The following HDLBP variants were observed in gnomAD, a reference collection of about 807,000 sequenced individuals.
HDLBP encodes high density lipoprotein binding protein.
HDLBP carries 30 observed loss-of-function variants against 137.3 expected under a neutral mutation model. That is an observed-to-expected ratio of 0.22 (90% CI 0.16 to 0.30). The LOEUF is 0.30. Ranked by LOEUF, HDLBP falls within the 10% of genes least tolerant of loss-of-function variation. The pLI is 1.00. For missense variants in HDLBP, 1,119 were observed against 1,667.3 expected, an observed-to-expected ratio of 0.67 and a Z score of 5.73; for synonymous variants, 606 against 596.0, an observed-to-expected ratio of 1.02 and a Z score of -0.24.
intron 1 of HDLBP, among the ~76,000 whole-genome samples, chr2:241,292,842 AGT>A (rs903993288): frequency 2.0e-5 from 3 of 152,176 alleles, no homozygotes; most frequent in African/African-American, 7.2e-5. Context: ...TGGGCAATAT[AGT>A]GAGACTGCCT....
chr2:241,287,885 T>A (rs1029581078), intron 1 of HDLBP, among the ~76,000 whole-genome samples: 2 of 152,132 alleles, frequency 1.3e-5, no homozygotes, highest in Non-Finnish European at 2.9e-5. Context: ...AACAGCTGGG[T>A]AAAAGATGGA....
At chr2:241,265,783 T>C (rs2073618838) in intron 3 of HDLBP, among the ~76,000 whole-genome samples, 1 of 152,164 alleles carries the variant, frequency 6.6e-6, no homozygotes, top group South Asian at 2.1e-4. Context: ...CCGACAGCGC[T>C]GACAGGACAG....
rs368614346 is a variant in HDLBP, at chr2:241,235,210, C to T, written c.3055G>A (p.Ala1019Thr). ...AAATTTGCAGCGAGGCCCGTGATGG[C>T]GATGATGTCAGACTGCAGCTCAGGT... is the stretch of plus-strand genomic sequence containing the variant. ...PAPELQSDII[A>T]ITGLAANLDR... is the part of the protein sequence containing the mutation. Residue 1019 changes from alanine (A) to threonine (T), a missense_variant, in exon 23 of 28, where the codon GCC becomes ACC. Ala to Thr is a moderately conservative substitution (Grantham distance 58, BLOSUM62 0). Transcript: ENST00000310931. 31 of 1,614,032 alleles carry T rather than the reference C, an allele frequency of 1.9e-5. No individual in the cohort carries two copies. Among genetic ancestry groups the T allele is most frequent in the Admixed American group, 5.0e-5 (3 of 60,010 alleles).
Position 241,230,128 on chromosome 2 carries a change from G to T in HDLBP, c.3591+25C>A. On this transcript the variant is annotated intron_variant, in intron 26 of 27. Coordinates refer to ENST00000310931, the MANE Select transcript of HDLBP (RefSeq NM_005336.6). This position sits in a 1 kb window ranked among gnomAD's most constrained non-coding sequence, Gnocchi z 5.0. The stretch of plus-strand genomic sequence containing the variant: ...CGGTGGACGTGCCAGGGCGCCTCAG[G>T]GCTCCAAGGCCCACAGAGACTCACG... 6.3e-7 allele frequency: 1 copy of T among 1,598,430 alleles called. No individual in the cohort carries two copies. The highest frequency in any genetic ancestry group is 8.6e-7 in the Non-Finnish European group (1 of 1,166,012).
chr2:241,233,341 G>C lies in HDLBP; in HGVS notation c.3288+479C>G, dbSNP rs2070013639. Among the ~76,000 whole-genome samples, 2 of 152,168 alleles carry C rather than the reference G, an allele frequency of 1.3e-5. No homozygotes were observed. Among genetic ancestry groups the C allele is most frequent in the South Asian group, 2.1e-4 (1 of 4,822 alleles). ...AGGAGGCCATGAGGGCCAGTGGCAG[G>C]GGGGTGGCACTGCAATTTGGAGGAA... On this transcript the variant is annotated intron_variant, in intron 24 of 27. Coordinates refer to ENST00000310931, the MANE Select transcript of HDLBP (RefSeq NM_005336.6). The surrounding 1 kb of genome is among the most constrained non-coding windows in gnomAD (Gnocchi z 4.3).
intron 1 of HDLBP, chr2:241,271,123 C>T (rs1574987395): frequency 2.0e-6 from 2 of 985,442 alleles, no homozygotes; most frequent in Non-Finnish European, 2.4e-6. Context: ...AAGGCTCCTT[C>T]TGGTAGGTGA....
At chr2:241,305,370 G>A (rs2075536813) in intron 1 of HDLBP, among the ~76,000 whole-genome samples, 3 of 152,108 alleles carry the variant, frequency 2.0e-5, no homozygotes, top group East Asian at 1.9e-4. Flanking sequence ...TGATCCACCC[G>A]CCTCAGCCTC....
intron 1 of HDLBP, chr2:241,279,995 C>CT (rs1212461973): frequency 1.0e-6 from 1 of 985,226 alleles, no homozygotes; most frequent in East Asian, 1.1e-4. Flanking sequence ...GGAGGAGCAG[C>CT]GGACCAGGGG....
chr2:241,246,887 C>A lies in HDLBP; in HGVS notation c.1819-4G>T, dbSNP rs761829730. On this transcript the variant is annotated splice_polypyrimidine_tract_variant and splice_region_variant and intron_variant, in intron 15 of 27. Transcript: ENST00000310931. ...TGGTGTTGCTTTCTTCACGAATCTA[C>A]AGGGAGAGAGATCACCATGAGAAGC... 4.3e-6 allele frequency: 7 copies of A among 1,613,994 alleles called. No homozygotes were observed. Among genetic ancestry groups the A allele is most frequent in the Non-Finnish European group, 5.9e-6 (7 of 1,179,950 alleles).
At chr2:241,299,810 G>C (rs557126762) in intron 1 of HDLBP, among the ~76,000 whole-genome samples, 4 of 152,224 alleles carry the variant, frequency 2.6e-5, no homozygotes, top group Admixed American at 2.0e-4. Context: ...AGCTACTGGG[G>C]AGGCTGAGGC....
intron 1 of HDLBP, among the ~76,000 whole-genome samples, chr2:241,301,697 T>C (rs1010434721): frequency 5.9e-5 from 9 of 152,072 alleles, no homozygotes; most frequent in African/African-American, 1.9e-4. Context: ...CCAAGCAACA[T>C]GGTTCTCAAC....
At chr2:241,235,692 C>T (rs1222184429) in intron 21 of HDLBP, 98 bp from the exon 22 acceptor site, 1 of 766,152 alleles carries the variant, frequency 1.3e-6, no homozygotes, top group Non-Finnish European at 2.3e-6. Context: ...GGCAAACAGC[C>T]CTATGACAAC....
At chr2:241,286,918 C>T (rs1456665115) in intron 1 of HDLBP, among the ~76,000 whole-genome samples, 1 of 150,788 alleles carries the variant, frequency 6.6e-6, no homozygotes, top group Non-Finnish European at 1.5e-5. Context: ...TGCACTCCAG[C>T]CTGGACAACA....
At position 241,272,032 on chromosome 2, in the gene HDLBP, G is replaced by A. The variant is rs957374891; in HGVS notation, c.-102-3491C>T. The A allele has an allele frequency of 4.7e-5, 12 of 254,384 alleles. No individual in the cohort carries two copies. In the South Asian group the frequency reaches 5.8e-4, roughly 12 times the overall value. 15.8% of individuals were successfully genotyped at this position (254,384 alleles called of 1,614,324 possible). Reference sequence around the variant, plus strand: ...GGGCGGGGACAGGCTTAAAGGGACAGCAACCCCTCGGCCTCCCCGCCTTTC... The same window carrying A: ...GGGCGGGGACAGGCTTAAAGGGACAACAACCCCTCGGCCTCCCCGCCTTTC... On this transcript the variant is annotated intron_variant, in intron 1 of 27. Transcript: ENST00000310931. The surrounding 1 kb of genome is among the most constrained non-coding windows in gnomAD (Gnocchi z 5.6).
chr2:241,235,334 T>C (rs2070276642), intron 22 of HDLBP, 79 bp from the exon 23 acceptor site: 1 of 1,587,458 alleles, frequency 6.3e-7, no homozygotes, highest in Admixed American at 1.7e-5. Flanking sequence ...GACCCAGAAG[T>C]GGTGAGAGGG....
intron 9 of HDLBP, among the ~76,000 whole-genome samples, 153 bp from the exon 10 acceptor site, chr2:241,253,650 A>T (rs771695084): frequency 6.6e-6 from 1 of 152,188 alleles, no homozygotes; most frequent in Non-Finnish European, 1.5e-5. Context: ...GCCATCAAAC[A>T]AAGTTGAAAG....
intron 1 of HDLBP, among the ~76,000 whole-genome samples, chr2:241,300,958 ATTATT>A (rs2075375198): frequency 1.7e-5 from 1 of 59,732 alleles, no homozygotes; most frequent in Non-Finnish European, 4.0e-5. Context: ...TACTATTATT[ATTATT>A]ATTATTATTA....
intron 12 of HDLBP, 139 bp downstream of exon 12, chr2:241,249,702 G>T: frequency 1.3e-6 from 1 of 773,752 alleles, no homozygotes; most frequent in Non-Finnish European, 2.0e-6. Flanking sequence ...GCCCCAGGGA[G>T]TCCAATCCGG....
At chr2:241,235,686 A>G in intron 21 of HDLBP, 92 bp from the exon 22 acceptor site, 2 of 830,784 alleles carry the variant, frequency 2.4e-6, no homozygotes, top group Admixed American at 4.0e-5. Flanking sequence ...ACACAAGGCA[A>G]ACAGCCCTAT....
Sources: allele counts gnomAD v4.1 joint callset (sites outside exome capture counted in the v4.1 genomes callset), GRCh38; gene constraint gnomAD v4.1.1; non-coding constraint Gnocchi (gnomAD v3.1); transcripts MANE v1.5; gene names NCBI Gene and HGNC (gene_info 2026-07-23, HGNC 2026-07-21).